Variants in KDM4B observed in about 807,000 individuals in gnomAD.
The protein encoded by KDM4B is lysine-specific demethylase 4B.
KDM4B carries 32 observed loss-of-function variants against 125.2 expected under a neutral mutation model. The observed-to-expected ratio is 0.26, with a 90% confidence interval of 0.19 to 0.34. The LOEUF is 0.34. Ranked by LOEUF, KDM4B falls within the 10% of genes least tolerant of loss-of-function variation. The pLI, the probability that KDM4B is intolerant of heterozygous loss-of-function variation, is 1.00. For synonymous variants in KDM4B, 721 were observed against 677.9 expected (o/e 1.06, Z -0.99); for missense variants, 1,190 against 1,577.7 (o/e 0.75, Z 4.16).
intron 1 of KDM4B, among the ~76,000 whole-genome samples, chr19:4,988,017 C>T (rs1437359447): frequency 3.9e-5 from 6 of 152,202 alleles, no homozygotes; most frequent in Admixed American, 1.3e-4. Context: ...GGCCTGAGAA[C>T]GTGGGAATAA....
Position 5,143,665 on chromosome 19 carries a change from C to T in KDM4B, c.2551-302C>T, listed in dbSNP as rs189303914. Among the ~76,000 whole-genome samples the T allele has an allele frequency of 2.5e-3, 382 of 152,160 alleles. 1 individual carries two copies. The highest frequency in any genetic ancestry group is 8.6e-3 in the African/African-American group (359 of 41,516). ...GTGTCTGTCCCAGCAGTCAGTGACA[C>T]GCAGGGGGACGGGAGAGGACTCCCC... On this transcript the variant is annotated intron_variant, in intron 18 of 22. Transcript: ENST00000159111.
chr19:4,978,706 G>A (rs1275616506), intron 1 of KDM4B, among the ~76,000 whole-genome samples: 1 of 152,040 alleles, frequency 6.6e-6, no homozygotes, highest in Non-Finnish European at 1.5e-5. Context: ...AACAGCTCCT[G>A]TGCAATTCTG....
chr19:4,990,123 C>A (rs1206469702), intron 1 of KDM4B, among the ~76,000 whole-genome samples: 1 of 152,020 alleles, frequency 6.6e-6, no homozygotes, highest in South Asian at 2.1e-4. Context: ...GACCCAGTCT[C>A]TACAAAAAAA....
chr19:5,032,668 C>A (rs1278508815), intron 2 of KDM4B, among the ~76,000 whole-genome samples, 198 bp from the exon 3 acceptor site: 1 of 152,210 alleles, frequency 6.6e-6, no homozygotes, highest in Admixed American at 6.5e-5. Flanking sequence ...CTGCAGCCCT[C>A]GTGCCTTTTA....
chr19:5,043,452 C>A (rs1195522256), intron 5 of KDM4B, among the ~76,000 whole-genome samples: 1 of 145,738 alleles, frequency 6.9e-6, no homozygotes, highest in Non-Finnish European at 1.5e-5. Context: ...CAACCTTATC[C>A]CGCGCTGTGT....
chr19:5,144,368 G>C lies in KDM4B; in HGVS notation c.2857G>C (p.Asp953His). 1 of 1,569,574 alleles carries C rather than the reference G, an allele frequency of 6.4e-7. No individual in the cohort carries two copies. Among genetic ancestry groups the C allele is most frequent in the Non-Finnish European group, 8.6e-7 (1 of 1,157,620 alleles). The change falls in exon 20 of 23, where the codon GAC (aspartate) becomes CAC (histidine). Residue 953 changes from aspartate to histidine, a missense_variant. Asp to His is a moderately conservative substitution (Grantham distance 81). Transcript: ENST00000159111. ...GCAGACCTGCTACGAAGTGAACTTC[G>C]ACGATGGCTCCTACAGCGACAACCT... ...ASQTCYEVNF[D>H]DGSYSDNLYP... is the part of the protein sequence containing the mutation.
chr19:4,983,779 A>G (rs1044248861), intron 1 of KDM4B, among the ~76,000 whole-genome samples: 2 of 152,184 alleles, frequency 1.3e-5, no homozygotes, highest in Non-Finnish European at 2.9e-5. Flanking sequence ...GGCGGCTTCA[A>G]AGGGCTTGAG....
intron 1 of KDM4B, among the ~76,000 whole-genome samples, chr19:4,994,914 C>T (rs925584185): frequency 3.3e-5 from 5 of 152,128 alleles, no homozygotes; most frequent in African/African-American, 7.2e-5. Context: ...TTCTCAGAAT[C>T]GACTTCAGAT....
intron 6 of KDM4B, among the ~76,000 whole-genome samples, chr19:5,050,744 C>T (rs1482577380): frequency 6.6e-6 from 1 of 152,088 alleles, no homozygotes; most frequent in African/African-American, 2.4e-5. Context: ...ACTAAAAATA[C>T]AAAAAATGAG....
At chr19:5,120,904 G>T (rs986184887) in intron 11 of KDM4B, among the ~76,000 whole-genome samples, 1 of 152,162 alleles carries the variant, frequency 6.6e-6, no homozygotes, top group Admixed American at 6.5e-5. Context: ...TCGCCGGAGG[G>T]TCCTAGTCCT....
At chr19:5,006,414 T>G (rs2035561335) in intron 1 of KDM4B, among the ~76,000 whole-genome samples, 1 of 152,204 alleles carries the variant, frequency 6.6e-6, no homozygotes, top group Admixed American at 6.5e-5. Flanking sequence ...CTGACTCGTG[T>G]TGCCACATCA....
At chr19:5,031,795 G>A (rs2145614758) in intron 2 of KDM4B, among the ~76,000 whole-genome samples, 1 of 152,342 alleles carries the variant, frequency 6.6e-6, no homozygotes, top group Non-Finnish European at 1.5e-5. Flanking sequence ...AGTGCCCGCA[G>A]TGGGGAGTGC....
chr19:5,131,662 C>CAGGTGGGGTGGGGCAGGGG, intron 12 of KDM4B, 117 bp downstream of exon 12: 1 of 210,188 alleles, frequency 4.8e-6, no homozygotes, highest in Non-Finnish European at 7.8e-6. Flanking sequence ...GAGGAGGGGA[C>CAGGTGGGGTGGGGCAGGGG]AGGAGGGCTG....
At chr19:5,151,254 C>T in intron 22 of KDM4B, 81 bp from the exon 23 acceptor site, 3 of 1,219,330 alleles carry the variant, frequency 2.5e-6, no homozygotes, top group Non-Finnish European at 2.1e-6. Flanking sequence ...CAGCCAGCTC[C>T]TCTCAGAGGC....
At chr19:5,131,035 C>A in intron 11 of KDM4B, 41 bp from the exon 12 acceptor site, 3 of 1,413,442 alleles carry the variant, frequency 2.1e-6, no homozygotes, top group Non-Finnish European at 2.8e-6. Context: ...AGCACTTGAG[C>A]CCGGGTTCTC....
At chr19:5,036,361 G>C (rs1026266613) in intron 3 of KDM4B, among the ~76,000 whole-genome samples, 2 of 152,266 alleles carry the variant, frequency 1.3e-5, no homozygotes, top group East Asian at 3.9e-4. Flanking sequence ...CCCTGAGAGG[G>C]CCCTGGAGCT....
chr19:5,117,926 G>A (rs2039288792), intron 10 of KDM4B, among the ~76,000 whole-genome samples: 1 of 152,204 alleles, frequency 6.6e-6, no homozygotes. Context: ...CAGCTGAGGA[G>A]CAAGGAGGGC....
At chr19:4,977,191 C>A (rs764239478) in intron 1 of KDM4B, among the ~76,000 whole-genome samples, 3 of 152,220 alleles carry the variant, frequency 2.0e-5, no homozygotes, top group Non-Finnish European at 4.4e-5. Flanking sequence ...CTCCGCCCTG[C>A]TGGCAGGCTG....
chr19:5,125,463 G>A (rs2039432718), intron 11 of KDM4B, among the ~76,000 whole-genome samples: 1 of 152,234 alleles, frequency 6.6e-6, no homozygotes, highest in African/African-American at 2.4e-5. Flanking sequence ...CCGCGTGGGA[G>A]GGAGGGGAAA....
Sources: gnomAD v4.1 joint callset for allele counts (sites outside exome capture counted in the v4.1 genomes callset) on GRCh38, gnomAD v4.1.1 for gene constraint, MANE v1.5 for transcripts, NCBI Gene and HGNC (gene_info 2026-07-23, HGNC 2026-07-21) for gene names.